Variants in SLAIN1 observed in about 807,000 individuals in gnomAD.
The protein encoded by SLAIN1 is SLAIN motif-containing protein 1.
Under a neutral mutation model 55.4 loss-of-function variants are expected in SLAIN1, and 17 were observed. That is an observed-to-expected ratio of 0.31 (90% CI 0.21 to 0.46). The LOEUF (loss-of-function observed/expected upper bound fraction) is 0.46, where lower values mean the gene tolerates loss of function less well. SLAIN1 is among the 20% of genes least tolerant of loss of function. The pLI, the probability that SLAIN1 is intolerant of heterozygous loss-of-function variation, is 1.00. For synonymous variants in SLAIN1, 348 were observed against 337.4 expected (o/e 1.03, Z -0.35); for missense variants, 682 against 785.1 (o/e 0.87, Z 1.57).
At chr13:77,750,183 G>C (rs1179816340) in intron 4 of SLAIN1, among the ~76,000 whole-genome samples, 2 of 152,158 alleles carry the variant, frequency 1.3e-5, no homozygotes, top group African/African-American at 4.8e-5. Context: ...AAAAGTACAT[G>C]TGGAGATGAA....
intron 1 of SLAIN1, among the ~76,000 whole-genome samples, chr13:77,717,275 G>A (rs1240726780): frequency 3.9e-5 from 6 of 152,000 alleles, no homozygotes; most frequent in East Asian, 1.9e-4. Context: ...GATATTGGCC[G>A]TTAGTTTCTT....
chr13:77,720,912 C>T (rs1484046034), intron 2 of SLAIN1, among the ~76,000 whole-genome samples: 1 of 152,152 alleles, frequency 6.6e-6, no homozygotes, highest in East Asian at 1.9e-4. Context: ...AGTTGAAGAG[C>T]AGTGTAGGGA....
At chr13:77,724,374 G>C (rs191884668) in intron 2 of SLAIN1, among the ~76,000 whole-genome samples, 70 of 152,184 alleles carry the variant, frequency 4.6e-4, no homozygotes, top group Admixed American at 7.9e-4. Flanking sequence ...TTTGCTGTAA[G>C]GCCATAGAAC....
intron 6 of SLAIN1, among the ~76,000 whole-genome samples, chr13:77,761,391 G>A (rs533478808): frequency 1.3e-5 from 2 of 152,136 alleles, no homozygotes; most frequent in African/African-American, 4.8e-5. Flanking sequence ...CAGAGCTTTT[G>A]TAGCTTTCTG....
chr13:77,723,708 T>G (rs1275704858), intron 2 of SLAIN1, among the ~76,000 whole-genome samples: 1 of 152,212 alleles, frequency 6.6e-6, no homozygotes, highest in East Asian at 1.9e-4. Flanking sequence ...TCTTTTATTC[T>G]TGGTATTCTG....
chr13:77,736,476 T>A (rs1873125595), intron 2 of SLAIN1, among the ~76,000 whole-genome samples: 1 of 152,118 alleles, frequency 6.6e-6, no homozygotes, highest in South Asian at 2.1e-4. Context: ...CAAGTCTCCT[T>A]GATCCTAAAA....
chr13:77,730,032 C>CA (rs993980339), intron 2 of SLAIN1, among the ~76,000 whole-genome samples: 6 of 152,128 alleles, frequency 3.9e-5, no homozygotes, highest in African/African-American at 1.4e-4. Flanking sequence ...CTTTCAGTCT[C>CA]AGAGACATTG....
At chr13:77,740,398 A>C (rs1873357789) in intron 2 of SLAIN1, among the ~76,000 whole-genome samples, 1 of 151,974 alleles carries the variant, frequency 6.6e-6, no homozygotes, top group African/African-American at 2.4e-5. Flanking sequence ...GCATTTGGGA[A>C]AGAAAACTGT....
intron 1 of SLAIN1, among the ~76,000 whole-genome samples, chr13:77,717,735 A>G (rs2091222133): frequency 6.6e-6 from 1 of 152,192 alleles, no homozygotes; most frequent in African/African-American, 2.4e-5. Flanking sequence ...GTGCCTCTCA[A>G]GATGTGGTCT....
At chr13:77,700,005 A>G (rs2091015163) in intron 1 of SLAIN1, among the ~76,000 whole-genome samples, 1 of 152,200 alleles carries the variant, frequency 6.6e-6, no homozygotes, top group African/African-American at 2.4e-5. Context: ...GATGGTATGT[A>G]TGTAAACAGT....
intron 1 of SLAIN1, among the ~76,000 whole-genome samples, chr13:77,715,335 C>A (rs1192614617): frequency 1.3e-5 from 2 of 152,176 alleles, no homozygotes; most frequent in Non-Finnish European, 2.9e-5. Context: ...TGTTTATCCA[C>A]TCATCTTTTG....
intron 2 of SLAIN1, among the ~76,000 whole-genome samples, chr13:77,731,434 C>T (rs1872856276): frequency 6.6e-6 from 1 of 152,116 alleles, no homozygotes; most frequent in Non-Finnish European, 1.5e-5. Context: ...TGGATTTTAT[C>T]TTAAAATGGT....
At chr13:77,717,259 A>G (rs1354133617) in intron 1 of SLAIN1, among the ~76,000 whole-genome samples, 1 of 152,078 alleles carries the variant, frequency 6.6e-6, no homozygotes, top group Non-Finnish European at 1.5e-5. Context: ...ATCTGTGTTC[A>G]TGTGTGATAT....
chr13:77,747,321 A>G (rs1594288441), intron 4 of SLAIN1, among the ~76,000 whole-genome samples: 1 of 152,098 alleles, frequency 6.6e-6, no homozygotes, highest in South Asian at 2.1e-4. Context: ...AGTTTGGTCT[A>G]AATTTGCGTC....
In SLAIN1 at chr13:77,698,288, C is replaced by T. The variant is rs1312846847; in HGVS notation, c.375C>T (p.Thr125=). The T allele has an allele frequency of 4.9e-6, 7 of 1,431,954 alleles. No homozygotes were observed. The East Asian group carries it at 1.9e-4, about 39-fold the overall frequency. 88.7% of individuals were successfully genotyped at this position (1,431,954 alleles called of 1,614,324 possible). The change falls in exon 1 of 7, where the codon ACC becomes ACT. Residue 125 remains threonine (T), a synonymous_variant. Coordinates refer to ENST00000418532, the MANE Select transcript of SLAIN1 (RefSeq NM_001242868.2). This position sits in a 1 kb window ranked among gnomAD's most constrained non-coding sequence, Gnocchi z 4.1. The stretch of plus-strand genomic sequence containing the variant: ...GCTCCAGCCCCGCGTTCCCGGGCAC[C>T]TTCTGCCTGCCTAGCCCCGCGCCCT... ...GGGSSPAFPG[T]FCLPSPAPSL...
Position 77,746,848 on chromosome 13 carries a change from C to T in SLAIN1, c.1251C>T (p.Thr417=). 1.2e-6 allele frequency: 2 copies of T among 1,609,684 alleles called. No homozygotes were observed. Among genetic ancestry groups the T allele is most frequent in the Non-Finnish European group, 1.7e-6 (2 of 1,176,732 alleles). ...CTCCAGATCAGCAACCAAATAGGAC[C>T]AATGGAGGTAGGTTGTATGCTTTTT... is the stretch of plus-strand genomic sequence containing the variant. The part of the protein sequence containing the change: ...AQTPDQQPNR[T]NGDKLRRSMP... Residue 417 remains threonine, a synonymous_variant, in exon 4 of 7, where the codon ACC becomes ACT. Transcript: ENST00000418532.
chr13:77,709,251 A>C (rs375800083), intron 1 of SLAIN1, among the ~76,000 whole-genome samples: 8 of 152,242 alleles, frequency 5.3e-5, no homozygotes, highest in African/African-American at 1.9e-4. Context: ...GCCTCCAAGA[A>C]ATATGGGACT....
intron 5 of SLAIN1, among the ~76,000 whole-genome samples, chr13:77,759,842 G>T (rs911549014): frequency 6.6e-6 from 1 of 151,916 alleles, no homozygotes; most frequent in East Asian, 1.9e-4. Flanking sequence ...CAGTATTTCT[G>T]TGTATAGATT....
intron 1 of SLAIN1, among the ~76,000 whole-genome samples, chr13:77,709,549 G>A (rs946462610): frequency 7.2e-5 from 11 of 152,276 alleles, no homozygotes; most frequent in South Asian, 4.1e-4. Context: ...GACTAACAGC[G>A]GATCTCTCTG....
Sources: allele counts gnomAD v4.1 joint callset (sites outside exome capture counted in the v4.1 genomes callset), GRCh38; gene constraint gnomAD v4.1.1; non-coding constraint Gnocchi (gnomAD v3.1); transcripts MANE v1.5; gene names NCBI Gene and HGNC (gene_info 2026-07-23, HGNC 2026-07-21).